Variants in TBC1D5 observed in about 807,000 individuals in gnomAD.
TBC1D5 encodes TBC1 domain family, member 5.
TBC1D5 carries 75 observed loss-of-function variants against 100.3 expected under a neutral mutation model. The ratio of observed to expected loss-of-function variants is 0.75; its 90% CI spans 0.62 to 0.91. TBC1D5 has a LOEUF of 0.91. Ranked by LOEUF, TBC1D5 falls within the 40% of genes least tolerant of loss-of-function variation. TBC1D5 has a pLI of 0.00. For synonymous variants in TBC1D5, 323 were observed against 325.6 expected (o/e 0.99, Z 0.09); for missense variants, 910 against 942.4 (o/e 0.97, Z 0.45).
intron 1 of TBC1D5, among the ~76,000 whole-genome samples, chr3:17,683,354 C>T (rs1348597131): frequency 1.3e-5 from 2 of 151,206 alleles, no homozygotes; most frequent in Non-Finnish European, 2.9e-5. Flanking sequence ...GTCAAAAGAC[C>T]TGATAGGAGT....
intron 13 of TBC1D5, among the ~76,000 whole-genome samples, chr3:17,317,812 G>A (rs1024957865): frequency 7.9e-5 from 12 of 152,088 alleles, no homozygotes; most frequent in South Asian, 6.2e-4. Flanking sequence ...TGTGGAAGTC[G>A]GTGTGGCGAT....
intron 2 of TBC1D5, among the ~76,000 whole-genome samples, chr3:17,613,861 C>A (rs2061893577): frequency 6.6e-6 from 1 of 152,146 alleles, no homozygotes; most frequent in Admixed American, 6.5e-5. Context: ...ATGGTAGTTT[C>A]TTTTGCTATG....
intron 2 of TBC1D5, among the ~76,000 whole-genome samples, chr3:17,553,437 G>C (rs563277149): frequency 6.6e-6 from 1 of 152,074 alleles, no homozygotes; most frequent in South Asian, 2.1e-4. Context: ...AAGGGAGGGG[G>C]ATTTGTACTA....
At chr3:17,717,453 A>C (rs567619320) in intron 1 of TBC1D5, among the ~76,000 whole-genome samples, 2 of 152,206 alleles carry the variant, frequency 1.3e-5, no homozygotes, top group Admixed American at 6.5e-5. Context: ...CAAAAAGTTC[A>C]TTAGTAATTA....
At chr3:17,190,966 G>T (rs1371640963) in intron 18 of TBC1D5, among the ~76,000 whole-genome samples, 1 of 152,214 alleles carries the variant, frequency 6.6e-6, no homozygotes, top group Non-Finnish European at 1.5e-5. Context: ...AAAGGCCACG[G>T]ATGTTCGGAG....
At chr3:17,354,387 C>A (rs1489015232) in intron 13 of TBC1D5, among the ~76,000 whole-genome samples, 3 of 152,078 alleles carry the variant, frequency 2.0e-5, no homozygotes, top group South Asian at 2.1e-4. Context: ...TAGGTATAAA[C>A]CCCTGTATAC....
intron 1 of TBC1D5, among the ~76,000 whole-genome samples, chr3:17,721,243 G>C (rs1356527873): frequency 6.6e-6 from 1 of 152,068 alleles, no homozygotes; most frequent in Non-Finnish European, 1.5e-5. Context: ...ATAGAAATAA[G>C]TATTCTTAAA....
intron 1 of TBC1D5, among the ~76,000 whole-genome samples, chr3:17,736,986 C>T (rs1234756867): frequency 6.6e-6 from 1 of 152,070 alleles, no homozygotes; most frequent in Non-Finnish European, 1.5e-5. Context: ...GCACTCCAGC[C>T]TGGGTGACAG....
chr3:17,599,229 C>T (rs1157954528), intron 2 of TBC1D5, among the ~76,000 whole-genome samples: 1 of 152,074 alleles, frequency 6.6e-6, no homozygotes, highest in Non-Finnish European at 1.5e-5. Flanking sequence ...GAAAAGTTAT[C>T]CCTGTTTCCC....
intron 19 of TBC1D5, among the ~76,000 whole-genome samples, chr3:17,174,278 CAAAGG>C (rs2067473412): frequency 6.6e-6 from 1 of 151,872 alleles, no homozygotes; most frequent in Non-Finnish European, 1.5e-5. Context: ...TACCTGGCAC[CAAAGG>C]TGCCAGGTTC....
intron 15 of TBC1D5, among the ~76,000 whole-genome samples, chr3:17,266,460 T>C (rs1320151455): frequency 6.6e-6 from 1 of 152,156 alleles, no homozygotes; most frequent in Non-Finnish European, 1.5e-5. Flanking sequence ...AGGACAATAT[T>C]CATTTTACTA....
At chr3:17,656,061 T>C (rs1298518276) in intron 1 of TBC1D5, among the ~76,000 whole-genome samples, 3 of 152,226 alleles carry the variant, frequency 2.0e-5, no homozygotes, top group Non-Finnish European at 4.4e-5. Flanking sequence ...ATTCACTCAG[T>C]AGCCTTTGCC....
At chr3:17,264,783 T>G (rs2078679716) in intron 15 of TBC1D5, among the ~76,000 whole-genome samples, 1 of 152,168 alleles carries the variant, frequency 6.6e-6, no homozygotes, top group Middle Eastern at 3.2e-3. Flanking sequence ...GAGAACTAAG[T>G]TCCCAGCACA....
At chr3:17,371,998 C>G in intron 13 of TBC1D5, 77 bp downstream of exon 13, 1 of 1,416,832 alleles carries the variant, frequency 7.1e-7, no homozygotes, top group Non-Finnish European at 9.4e-7. Flanking sequence ...GATCATGCCA[C>G]TGCACTCTAG....
intron 3 of TBC1D5, among the ~76,000 whole-genome samples, chr3:17,458,671 G>A (rs1371535390): frequency 1.3e-5 from 2 of 152,130 alleles, no homozygotes; most frequent in Admixed American, 1.3e-4. Context: ...CTGTCCATGG[G>A]TCTGAAATTT....
chr3:17,461,502 T>G (rs2095209186), intron 3 of TBC1D5, among the ~76,000 whole-genome samples: 1 of 152,224 alleles, frequency 6.6e-6, no homozygotes, highest in Non-Finnish European at 1.5e-5. Context: ...CTTCATAACC[T>G]AACCTACAGA....
chr3:17,464,899 A>C (rs916346861), intron 3 of TBC1D5, among the ~76,000 whole-genome samples: 2 of 152,060 alleles, frequency 1.3e-5, no homozygotes, highest in Non-Finnish European at 2.9e-5. Context: ...ACACATGAAA[A>C]TTATATAAAA....
At chr3:17,230,642 G>C (rs966676483) in intron 17 of TBC1D5, among the ~76,000 whole-genome samples, 1 of 151,760 alleles carries the variant, frequency 6.6e-6, no homozygotes. Context: ...ATATCTGTGC[G>C]TATGTATATG....
intron 2 of TBC1D5, among the ~76,000 whole-genome samples, chr3:17,522,829 C>T (rs1258982568): frequency 6.6e-6 from 1 of 152,104 alleles, no homozygotes; most frequent in East Asian, 1.9e-4. Flanking sequence ...ATAATTCTTG[C>T]TATCCTAATT....
Sources: allele counts gnomAD v4.1 joint callset (sites outside exome capture counted in the v4.1 genomes callset), GRCh38; gene constraint gnomAD v4.1.1; transcripts MANE v1.5; gene names NCBI Gene and HGNC (gene_info 2026-07-23, HGNC 2026-07-21).